Variants in PRMT6 observed in about 807,000 individuals in gnomAD.
PRMT6 encodes the protein protein arginine methyltransferase 6.
Under a neutral mutation model 30.5 loss-of-function variants are expected in PRMT6, and 23 were observed. The ratio of observed to expected loss-of-function variants is 0.75; its 90% CI spans 0.54 to 1.07. The LOEUF is 1.07. Ranked by LOEUF, PRMT6 falls within the 50% of genes least tolerant of loss-of-function variation. The pLI, the probability that PRMT6 is intolerant of heterozygous loss-of-function variation, is 0.00. For synonymous variants in PRMT6, 265 were observed against 228.0 expected (o/e 1.16, Z -1.46); for missense variants, 528 against 514.3 (o/e 1.03, Z -0.26).
Position 107,057,825 on chromosome 1 carries a change from C to G in PRMT6, c.1110C>G (p.Asp370Glu). ...KVGDQEEKTK[D>E]FAMED ...GAGACCAGGAGGAGAAGACCAAAGA[C>G]TTTGCCATGGAGGACTGAGCGTTGC... The change falls in exon 1 of 1, where the codon GAC becomes GAG. Residue 370 changes from aspartate (D) to glutamate (E), a missense_variant. Coordinates refer to ENST00000370078, the MANE Select transcript of PRMT6 (RefSeq NM_018137.3). 1 of 1,584,822 alleles carries G rather than the reference C, an allele frequency of 6.3e-7. No individual in the cohort carries two copies. The highest frequency in any genetic ancestry group is 8.6e-7 in the Non-Finnish European group (1 of 1,164,766).
In PRMT6 at chr1:107,057,608, G is replaced by A. The variant is rs768842908; in HGVS notation, c.893G>A (p.Gly298Glu). 1 of 1,614,202 alleles carries A rather than the reference G, an allele frequency of 6.2e-7. No homozygotes were observed. The highest frequency in any genetic ancestry group is 2.2e-5 in the East Asian group (1 of 44,876). Reference sequence around the variant, plus strand: ...ATCTGGTTCCAGGTGACCTTCCCTGGAGGGGAGTCGGAGAAACCCCTGGTG... The same window carrying A: ...ATCTGGTTCCAGGTGACCTTCCCTGAAGGGGAGTCGGAGAAACCCCTGGTG... ...FAIWFQVTFP[G>E]GESEKPLVLS... The change falls in exon 1 of 1, where the codon GGA becomes GAA. Residue 298 changes from glycine (G) to glutamate (E), a missense_variant. Coordinates refer to ENST00000370078, the MANE Select transcript of PRMT6 (RefSeq NM_018137.3).
Position 107,057,774 on chromosome 1 carries a change from G to C in PRMT6, c.1059G>C (p.Leu353=). The C allele has an allele frequency of 6.2e-7, 1 of 1,612,820 alleles. No individual in the cohort carries two copies. The highest frequency in any genetic ancestry group is 8.5e-7 in the Non-Finnish European group (1 of 1,179,332). The change falls in exon 1 of 1, where the codon CTG becomes CTC. Residue 353 remains leucine, a synonymous_variant. Coordinates refer to ENST00000370078, the MANE Select transcript of PRMT6 (RefSeq NM_018137.3). The part of the protein sequence containing the change: ...LLPSRDNPRR[L]RVLLRYKVGD... The stretch of plus-strand genomic sequence containing the variant: ...CCTCCCGGGACAACCCCCGTCGCCT[G>C]CGCGTGCTGCTGCGCTACAAAGTGG...
chr1:107,057,563 C>A lies in PRMT6; in HGVS notation c.848C>A (p.Ala283Glu), dbSNP rs750753156. Residue 283 changes from alanine to glutamate, a missense_variant, in exon 1 of 1, where the codon GCG becomes GAG. By Grantham distance (107) the Ala-to-Glu change is moderately radical. Coordinates refer to ENST00000370078, the MANE Select transcript of PRMT6 (RefSeq NM_018137.3). ...TTCCGCTGCAGCTGCTATGGCTCGG[C>A]GCCCATGCATGGCTTTGCCATCTGG... ...GRFRCSCYGS[A>E]PMHGFAIWFQ... 2.5e-6 allele frequency: 4 copies of A among 1,613,724 alleles called. No individual in the cohort carries two copies. The South Asian group carries it at 3.3e-5, about 13-fold the overall frequency.
chr1:107,056,992 A>C lies in PRMT6; in HGVS notation c.277A>C (p.Thr93Pro). 1 of 1,613,626 alleles carries C rather than the reference A, an allele frequency of 6.2e-7. No homozygotes were observed. Among genetic ancestry groups the C allele is most frequent in the South Asian group, 1.1e-5 (1 of 90,990 alleles). Residue 93 changes from threonine to proline, a missense_variant, in exon 1 of 1, where the codon ACC becomes CCC. Thr to Pro is a conservative substitution (Grantham distance 38). Coordinates refer to ENST00000370078, the MANE Select transcript of PRMT6 (RefSeq NM_018137.3). ...GKTVLDVGAG[T>P]GILSIFCAQA... ...GACGGTACTGGACGTGGGCGCGGGC[A>C]CCGGCATTCTGAGCATCTTCTGTGC...
Position 107,057,247 on chromosome 1 carries a change from C to CTGAA in PRMT6, c.533_536dup (p.Lys179AsnfsTer242), listed in dbSNP as rs755936886. 1.9e-6 allele frequency: 3 copies of CTGAA among 1,613,968 alleles called. No homozygotes were observed. The highest frequency in any genetic ancestry group is 2.5e-6 in the Non-Finnish European group (3 of 1,180,048). On this transcript the variant is annotated frameshift_variant, in exon 1 of 1. Coordinates refer to ENST00000370078, the MANE Select transcript of PRMT6 (RefSeq NM_018137.3). LOFTEE classifies it high-confidence loss of function. ...CGTCCTCCACGCGCGAACCAAGTGGCTGAAGGAGGGCGGTCTTCTCCTGCC... is the reference window on the plus strand; with the variant it reads ...CGTCCTCCACGCGCGAACCAAGTGGCTGAATGAAGGAGGGCGGTCTTCTCCTGCC...
rs1165784695 is a variant in PRMT6, at chr1:107,056,724, G to C, written c.9G>C (p.Gln3His). MS[Q>H]PKKRKLESGG... ...CGGGCAGAGCGGCCAAGATGTCGCA[G>C]CCCAAGAAAAGAAAGCTTGAGTCGG... Residue 3 changes from glutamine to histidine, a missense_variant, in exon 1 of 1, where the codon CAG becomes CAC. Transcript: ENST00000370078. 2.0e-6 allele frequency: 3 copies of C among 1,522,032 alleles called. No homozygotes were observed. The highest frequency in any genetic ancestry group is 3.5e-4 in the Middle Eastern group (2 of 5,670). 94.3% of individuals were successfully genotyped at this position (1,522,032 alleles called of 1,614,324 possible). A position where few individuals can be genotyped will look rare whatever the true frequency, so the allele number is the denominator to read the frequency against.
rs1651783515 is a variant in PRMT6 at position 107,058,563 on chromosome 1, G to C, written c.*720G>C. The C allele has an allele frequency of 6.0e-6, 1 of 167,148 alleles. No homozygotes were observed. The highest frequency in any genetic ancestry group is 1.5e-5 in the Non-Finnish European group (1 of 68,180). The allele number at this position is 167,148 out of a possible 1,614,324, so 10.4% of individuals were successfully genotyped here. On this transcript the variant is annotated 3_prime_UTR_variant, in exon 1 of 1. Coordinates refer to ENST00000370078, the MANE Select transcript of PRMT6 (RefSeq NM_018137.3). ...AAACTCAGAAGGTGCATTTAAGAGA[G>C]AGACCTGAAAGAAATAGTATGGATT...
At position 107,057,997 on chromosome 1, in the gene PRMT6, T is replaced by C; in HGVS notation, c.*154T>C. The C allele has an allele frequency of 7.1e-6, 7 of 989,652 alleles. No individual in the cohort carries two copies. Among genetic ancestry groups the C allele is most frequent in the Non-Finnish European group, 1.1e-5 (7 of 660,060 alleles). The allele number at this position is 989,652 out of a possible 1,614,324, so 61.3% of individuals were successfully genotyped here. A position where few individuals can be genotyped will look rare whatever the true frequency, so the allele number is the denominator to read the frequency against. The stretch of plus-strand genomic sequence containing the variant: ...CCTCTAGGGAGGGAGAGTGACTTCA[T>C]TCTCCATTTGAAGAGATTCTTCTGG... On this transcript the variant is annotated 3_prime_UTR_variant, in exon 1 of 1. Coordinates refer to ENST00000370078, the MANE Select transcript of PRMT6 (RefSeq NM_018137.3).
Position 107,057,795 on chromosome 1 carries a change from A to G in PRMT6, c.1080A>G (p.Lys360=), listed in dbSNP as rs777982826. ...GCCTGCGCGTGCTGCTGCGCTACAA[A>G]GTGGGAGACCAGGAGGAGAAGACCA... The part of the protein sequence containing the change: ...PRRLRVLLRY[K]VGDQEEKTKD... The change falls in exon 1 of 1, where the codon AAA becomes AAG. Residue 360 remains lysine (K), a synonymous_variant. Transcript: ENST00000370078. 6.2e-7 allele frequency: 1 copy of G among 1,608,584 alleles called. No individual in the cohort carries two copies. The highest frequency in any genetic ancestry group is 1.1e-5 in the South Asian group (1 of 90,396).
rs768065607 is a variant in PRMT6 at position 107,057,561 on chromosome 1, G to A, written c.846G>A (p.Ser282=). ...GCTTCCGCTGCAGCTGCTATGGCTC[G>A]GCGCCCATGCATGGCTTTGCCATCT... is the stretch of plus-strand genomic sequence containing the variant. ...GGRFRCSCYG[S]APMHGFAIWF... Residue 282 remains serine, a synonymous_variant, in exon 1 of 1, where the codon TCG becomes TCA. Coordinates refer to ENST00000370078, the MANE Select transcript of PRMT6 (RefSeq NM_018137.3). 11 of 1,612,948 alleles carry A rather than the reference G, an allele frequency of 6.8e-6. No individual in the cohort carries two copies. In the Admixed American group the frequency reaches 1.8e-4, roughly 27 times the overall value.
In PRMT6 at chr1:107,057,309, C is replaced by A. The variant is rs1328828350; in HGVS notation, c.594C>A (p.Asp198Glu). Residue 198 changes from aspartate (D) to glutamate (E), a missense_variant, in exon 1 of 1, where the codon GAC becomes GAA. Asp to Glu is a conservative substitution (Grantham distance 45, BLOSUM62 2). Transcript: ENST00000370078. ...SAELFIAPIS[D>E]QMLEWRLGFW... Reference sequence around the variant, plus strand: ...AGCTCTTCATAGCCCCCATCAGCGACCAGATGCTGGAATGGCGCCTGGGCT... The same window carrying A: ...AGCTCTTCATAGCCCCCATCAGCGAACAGATGCTGGAATGGCGCCTGGGCT... 2 of 1,613,900 alleles carry A rather than the reference C, an allele frequency of 1.2e-6. No homozygotes were observed. Among genetic ancestry groups the A allele is most frequent in the Non-Finnish European group, 1.7e-6 (2 of 1,180,054 alleles).
chr1:107,057,957 C>A lies in PRMT6; in HGVS notation c.*114C>A, dbSNP rs11555268. 31 of 1,378,744 alleles carry A rather than the reference C, an allele frequency of 2.2e-5. No individual in the cohort carries two copies. Among genetic ancestry groups the A allele is most frequent in the Non-Finnish European group, 2.9e-5 (29 of 992,358 alleles). The allele number at this position is 1,378,744 out of a possible 1,614,324, so 85.4% of individuals were successfully genotyped here. The stretch of plus-strand genomic sequence containing the variant: ...CGTGCAAGTAGGGGGAATATCTCCC[C>A]CTTTTCCCTCATAGCCTCTAGGGAG... On this transcript the variant is annotated 3_prime_UTR_variant, in exon 1 of 1. Coordinates refer to ENST00000370078, the MANE Select transcript of PRMT6 (RefSeq NM_018137.3).
Position 107,057,488 on chromosome 1 carries a change from T to C in PRMT6, c.773T>C (p.Leu258Pro). ...ARPQRFAQLELSRAGLEQELE... is the reference protein window; with the variant it reads ...ARPQRFAQLEPSRAGLEQELE... ...CCGCAGCGCTTTGCTCAGCTAGAGCTCTCCCGCGCCGGCTTGGAGCAGGAG... is the reference window on the plus strand; with the variant it reads ...CCGCAGCGCTTTGCTCAGCTAGAGCCCTCCCGCGCCGGCTTGGAGCAGGAG... The change falls in exon 1 of 1, where the codon CTC (leucine) becomes CCC (proline). Residue 258 changes from leucine to proline, a missense_variant. Coordinates refer to ENST00000370078, the MANE Select transcript of PRMT6 (RefSeq NM_018137.3). 1 of 1,613,146 alleles carries C rather than the reference T, an allele frequency of 6.2e-7. No individual in the cohort carries two copies. Among genetic ancestry groups the C allele is most frequent in the Non-Finnish European group, 8.5e-7 (1 of 1,179,688 alleles).
chr1:107,056,708 C>G lies in PRMT6; in HGVS notation c.-8C>G. ...TACGCCCGCCGGGAGCCGGGCAGAG[C>G]GGCCAAGATGTCGCAGCCCAAGAAA... On this transcript the variant is annotated 5_prime_UTR_variant, in exon 1 of 1. Transcript: ENST00000370078. 3 of 1,499,464 alleles carry G rather than the reference C, an allele frequency of 2.0e-6. No homozygotes were observed. The highest frequency in any genetic ancestry group is 2.7e-6 in the Non-Finnish European group (3 of 1,121,878). 92.9% of individuals were successfully genotyped at this position (1,499,464 alleles called of 1,614,324 possible).
Position 107,057,304 on chromosome 1 carries a change from A to G in PRMT6, c.589A>G (p.Ser197Gly), listed in dbSNP as rs1304628766. Residue 197 changes from serine to glycine, a missense_variant, in exon 1 of 1, where the codon AGC (serine) becomes GGC (glycine). Physicochemically the swap from Ser to Gly is moderately conservative, Grantham distance 56. Coordinates refer to ENST00000370078, the MANE Select transcript of PRMT6 (RefSeq NM_018137.3). ...CGCCGAGCTCTTCATAGCCCCCATCAGCGACCAGATGCTGGAATGGCGCCT... is the reference window on the plus strand; with the variant it reads ...CGCCGAGCTCTTCATAGCCCCCATCGGCGACCAGATGCTGGAATGGCGCCT... ...ASAELFIAPISDQMLEWRLGF... is the reference protein window; with the variant it reads ...ASAELFIAPIGDQMLEWRLGF... 2.5e-6 allele frequency: 4 copies of G among 1,614,014 alleles called. No homozygotes were observed. The highest frequency in any genetic ancestry group is 1.7e-5 in the Admixed American group (1 of 60,032).
rs1202859889 is a variant in PRMT6 at position 107,058,975 on chromosome 1, C to T, written c.*1132C>T. 6.0e-6 allele frequency: 1 copy of T among 167,006 alleles called. No individual in the cohort carries two copies. The highest frequency in any genetic ancestry group is 1.5e-5 in the Non-Finnish European group (1 of 68,092). The allele number at this position is 167,006 out of a possible 1,614,324, so 10.3% of individuals were successfully genotyped here. A position where few individuals can be genotyped will look rare whatever the true frequency, so the allele number is the denominator to read the frequency against. ...GAATCTTGTTATCAAATTTATTTCT[C>T]TGATGTTTCCTTCCTTATCCTTGTA... On this transcript the variant is annotated 3_prime_UTR_variant, in exon 1 of 1. Coordinates refer to ENST00000370078, the MANE Select transcript of PRMT6 (RefSeq NM_018137.3).
At position 107,056,954 on chromosome 1, in the gene PRMT6, C is replaced by G. The variant is rs1173551480; in HGVS notation, c.239C>G (p.Ala80Gly). 2 of 1,612,684 alleles carry G rather than the reference C, an allele frequency of 1.2e-6. No homozygotes were observed. Among genetic ancestry groups the G allele is most frequent in the African/African-American group, 2.7e-5 (2 of 74,938 alleles). ...CTGGGTATCCTTCGGAACTGGGCAG[C>G]ACTGCGAGGCAAGACGGTACTGGAC... ...YRLGILRNWA[A>G]LRGKTVLDVG... The change falls in exon 1 of 1, where the codon GCA (alanine) becomes GGA (glycine). Residue 80 changes from alanine to glycine, a missense_variant. Physicochemically the swap from Ala to Gly is moderately conservative, Grantham distance 60. Transcript: ENST00000370078.
At position 107,057,599 on chromosome 1, in the gene PRMT6, C is replaced by A; in HGVS notation, c.884C>A (p.Thr295Asn). The change falls in exon 1 of 1, where the codon ACC becomes AAC. Residue 295 changes from threonine to asparagine, a missense_variant. By Grantham distance (65) the Thr-to-Asn change is moderately conservative. Transcript: ENST00000370078. ...MHGFAIWFQV[T>N]FPGGESEKPL... ...GGCTTTGCCATCTGGTTCCAGGTGA[C>A]CTTCCCTGGAGGGGAGTCGGAGAAA... 6.2e-7 allele frequency: 1 copy of A among 1,614,154 alleles called. No individual in the cohort carries two copies. Among genetic ancestry groups the A allele is most frequent in the Non-Finnish European group, 8.5e-7 (1 of 1,180,044 alleles).
At position 107,059,114 on chromosome 1, in the gene PRMT6, C is replaced by T. The variant is rs1165762462; in HGVS notation, c.*1271C>T. ...TTATTAGTTCTTAAGTGTTACAGCC[C>T]CTTCAGAATATAACTTCAGGACAAT... On this transcript the variant is annotated 3_prime_UTR_variant, in exon 1 of 1. Transcript: ENST00000370078. 4.2e-5 allele frequency: 7 copies of T among 166,920 alleles called. No individual in the cohort carries two copies. The highest frequency in any genetic ancestry group is 7.3e-5 in the Non-Finnish European group (5 of 68,098). The allele number at this position is 166,920 out of a possible 1,614,324, so 10.3% of individuals were successfully genotyped here. A position where few individuals can be genotyped will look rare whatever the true frequency, so the allele number is the denominator to read the frequency against.
Sources: allele counts gnomAD v4.1 joint callset, GRCh38; gene constraint gnomAD v4.1.1; transcripts MANE v1.5; gene names NCBI Gene and HGNC (gene_info 2026-07-23, HGNC 2026-07-21).